BICDL2: variants seen among roughly 807,000 people sequenced by gnomAD.
The protein encoded by BICDL2 is BICD family like cargo adaptor 2, also known as BICD family-like cargo adapter 2.
BICDL2 carries 62 observed loss-of-function variants against 56.6 expected under a neutral mutation model. The observed-to-expected ratio is 1.10, with a 90% CI of 0.89 to 1.35. The LOEUF (loss-of-function observed/expected upper bound fraction) is 1.35, where lower values mean the gene tolerates loss of function less well. Among genes scored for constraint, BICDL2 ranks in the 40% most tolerant of loss-of-function variants. The pLI is 0.00. For missense variants in BICDL2, 808 were observed against 684.5 expected, an observed-to-expected ratio of 1.18 and a Z score of -2.01; for synonymous variants, 358 against 319.8, an observed-to-expected ratio of 1.12 and a Z score of -1.27.
At chr16:3,036,619 C>G (rs547509266) in intron 1 of BICDL2, 35 of 451,174 alleles carry the variant, frequency 7.8e-5, no homozygotes, top group Admixed American at 5.3e-4. Flanking sequence ...CCCCCGCCCC[C>G]CTCCACGCGA....
Position 3,027,780 on chromosome 16 carries a change from C to A in BICDL2, c.*326G>T. The A allele has an allele frequency of 3.6e-6, 4 of 1,096,316 alleles. No homozygotes were observed. Among genetic ancestry groups the A allele is most frequent in the Non-Finnish European group, 5.1e-6 (4 of 783,752 alleles). 67.9% of individuals were successfully genotyped at this position (1,096,316 alleles called of 1,614,324 possible). ...GCTCTTTCTTTCTATGAATGGGGGCCAAATCGGTGGAGTGATTTATATATT... is the reference window on the plus strand; with the variant it reads ...GCTCTTTCTTTCTATGAATGGGGGCAAAATCGGTGGAGTGATTTATATATT... On this transcript the variant is annotated 3_prime_UTR_variant, in exon 10 of 10. Transcript: ENST00000572449.
chr16:3,034,606 G>C (rs1567423881), intron 2 of BICDL2, among the ~76,000 whole-genome samples: 1 of 151,300 alleles, frequency 6.6e-6, no homozygotes, highest in African/African-American at 2.4e-5. Flanking sequence ...AATCCTCAGA[G>C]TTCATGCCTT....
intron 2 of BICDL2, among the ~76,000 whole-genome samples, chr16:3,033,832 A>T (rs1428663492): frequency 6.6e-6 from 1 of 152,096 alleles, no homozygotes; most frequent in Non-Finnish European, 1.5e-5. Context: ...GGAGGTGCAC[A>T]GGCTCTGGTC....
In BICDL2 at chr16:3,027,920, C is replaced by A; in HGVS notation, c.*186G>T. ...ACCTGCCCCTGCCACCCACCTGGAG[C>A]TCCTGCCCCACAAAGCTGGCCCCTG... On this transcript the variant is annotated 3_prime_UTR_variant, in exon 10 of 10. Coordinates refer to ENST00000572449, the MANE Select transcript of BICDL2 (RefSeq NM_001369667.1). The A allele has an allele frequency of 1.1e-6, 1 of 948,970 alleles. No individual in the cohort carries two copies. Among genetic ancestry groups the A allele is most frequent in the Non-Finnish European group, 1.5e-6 (1 of 676,604 alleles). 58.8% of individuals were successfully genotyped at this position (948,970 alleles called of 1,614,324 possible).
At chr16:3,035,662 C>A (rs1336178694) in intron 1 of BICDL2, 136 bp from the exon 2 acceptor site, 9 of 755,204 alleles carry the variant, frequency 1.2e-5, no homozygotes, top group Non-Finnish European at 1.7e-5. Context: ...GGGTTAATGA[C>A]CTGTGTTTTG....
At position 3,029,386 on chromosome 16, in the gene BICDL2, G is replaced by C; in HGVS notation, c.1001C>G (p.Pro334Arg). Residue 334 changes from proline (P) to arginine (R), a missense_variant, in exon 7 of 10, where the codon CCT (proline) becomes CGT (arginine). Physicochemically the swap from Pro to Arg is moderately radical, Grantham distance 103 (BLOSUM62 -2). Transcript: ENST00000572449. Reference sequence around the variant, plus strand: ...CTCTAAGATCTCTTCCGGGGGTGAAGGCTGGGGGCTGGACGCCTTTCGGGT... The same window carrying C: ...CTCTAAGATCTCTTCCGGGGGTGAACGCTGGGGGCTGGACGCCTTTCGGGT... ...PKTRKASSPQ[P>R]SPPEEILEPP... 6.2e-7 allele frequency: 1 copy of C among 1,609,310 alleles called. No individual in the cohort carries two copies. Among genetic ancestry groups the C allele is most frequent in the Non-Finnish European group, 8.5e-7 (1 of 1,179,502 alleles).
chr16:3,032,589 C>G (rs183564357), intron 2 of BICDL2: 4 of 151,470 alleles, frequency 2.6e-5, no homozygotes, highest in African/African-American at 9.7e-5. Context: ...TAAAGAGACC[C>G]GGGAAATGAT....
Position 3,028,091 on chromosome 16 carries a change from C to G in BICDL2, c.*15G>C. On this transcript the variant is annotated 3_prime_UTR_variant, in exon 10 of 10. Transcript: ENST00000572449. ...AGCCCCTAAGTGGGCAAGGGCAGCC[C>G]TCTGGGCCCAGCCGTCAGGTCCTTC... The G allele has an allele frequency of 2.8e-6, 4 of 1,413,340 alleles. No individual in the cohort carries two copies. The highest frequency in any genetic ancestry group is 3.7e-6 in the Non-Finnish European group (4 of 1,087,262). 87.5% of individuals were successfully genotyped at this position (1,413,340 alleles called of 1,614,324 possible).
At chr16:3,029,226 C>G in intron 7 of BICDL2, 54 bp downstream of exon 7, 1 of 1,577,570 alleles carries the variant, frequency 6.3e-7, no homozygotes, top group Admixed American at 1.8e-5. Context: ...ACATGGGAGA[C>G]AGAAACTGAC....
In BICDL2 at chr16:3,034,711, C is replaced by CT. The variant is rs759451684; in HGVS notation, c.282+503dup. Among the ~76,000 whole-genome samples the CT allele has an allele frequency of 7.6e-3, 964 of 126,990 alleles. 15 individuals are homozygous for CT. Among genetic ancestry groups the CT allele is most frequent in the African/African-American group, 0.022 (754 of 33,710 alleles). The allele number at this position is 126,990 out of a possible 152,430, so 83.3% of individuals were successfully genotyped here. ...TTCCTTCCCCTTCCTTCCTTCCTTCCTTTTTTTTTTTTCAGGATCTCACTC... is the reference window on the plus strand; with the variant it reads ...TTCCTTCCCCTTCCTTCCTTCCTTCCTTTTTTTTTTTTTCAGGATCTCACTC... On this transcript the variant is annotated intron_variant, in intron 2 of 9. Coordinates refer to ENST00000572449, the MANE Select transcript of BICDL2 (RefSeq NM_001369667.1).
rs1359986662 is a variant in BICDL2 at position 3,029,534 on chromosome 16, C to T, written c.957+11G>A. 1 of 1,554,020 alleles carries T rather than the reference C, an allele frequency of 6.4e-7. No individual in the cohort carries two copies. ...GGCACAGGTAAGGGGGCTGGGGCCC[C>T]ACGAGCTCACCGGGGTGTCTCCGGG... is the stretch of plus-strand genomic sequence containing the variant. On this transcript the variant is annotated intron_variant, in intron 6 of 9. Coordinates refer to ENST00000572449, the MANE Select transcript of BICDL2 (RefSeq NM_001369667.1).
chr16:3,031,171 G>T, intron 2 of BICDL2, 21 bp from the exon 3 acceptor site: 1 of 1,530,938 alleles, frequency 6.5e-7, no homozygotes, highest in Non-Finnish European at 8.7e-7. Flanking sequence ...CAGGGCAGAG[G>T]GACAGAGGCA....
In BICDL2 at chr16:3,035,177, G is replaced by GTCCCCC; in HGVS notation, c.282+37_282+38insGGGGGA. On this transcript the variant is annotated intron_variant, in intron 2 of 9. Transcript: ENST00000572449. Reference sequence around the variant, plus strand: ...TCTCCAGGCCCACCCGTCCTCCCCTGCCCACCCACCCACCCACCCCGTCCA... The same window carrying GTCCCCC: ...TCTCCAGGCCCACCCGTCCTCCCCTGTCCCCCCCCACCCACCCACCCACCCCGTCCA... 4 of 118,826 alleles carry GTCCCCC rather than the reference G, an allele frequency of 3.4e-5. No homozygotes were observed. The South Asian group carries it at 4.2e-4, about 12-fold the overall frequency. The allele number at this position is 118,826 out of a possible 1,614,324, so 7.4% of individuals were successfully genotyped here.
intron 2 of BICDL2, among the ~76,000 whole-genome samples, chr16:3,034,685 CTT>C (rs1349686587): frequency 2.3e-4 from 32 of 139,278 alleles, no homozygotes; most frequent in African/African-American, 7.8e-4. Flanking sequence ...TCCTTCCTTC[CTT>C]CCTTCCCCTT....
chr16:3,031,634 G>A (rs760099266), intron 2 of BICDL2: 8 of 403,438 alleles, frequency 2.0e-5, no homozygotes, highest in East Asian at 1.4e-4. Context: ...TCTGACCAGC[G>A]GGGGAATGCC....
In BICDL2 at chr16:3,029,448, G is replaced by T; in HGVS notation, c.958-19C>A. ...GGGTGGTCTGTGGGCCAAAGAAATG[G>T]GTTAGTGGTGTGGAGTTTATTGGGG... On this transcript the variant is annotated intron_variant, in intron 6 of 9. Transcript: ENST00000572449. 1 of 1,597,674 alleles carries T rather than the reference G, an allele frequency of 6.3e-7. No individual in the cohort carries two copies. Among genetic ancestry groups the T allele is most frequent in the Non-Finnish European group, 8.5e-7 (1 of 1,176,092 alleles).
Position 3,035,176 on chromosome 16 carries a change from T to TTCCCC in BICDL2, c.282+38_282+39insGGGGA. The TTCCCC allele has an allele frequency of 3.7e-5, 5 of 136,272 alleles. No individual in the cohort carries two copies. The South Asian group carries it at 8.1e-4, about 22-fold the overall frequency. 8.4% of individuals were successfully genotyped at this position (136,272 alleles called of 1,614,324 possible). A position where few individuals can be genotyped will look rare whatever the true frequency, so the allele number is the denominator to read the frequency against. ...CTCTCCAGGCCCACCCGTCCTCCCC[T>TTCCCC]GCCCACCCACCCACCCACCCCGTCC... On this transcript the variant is annotated intron_variant, in intron 2 of 9. Transcript: ENST00000572449.
chr16:3,035,674 C>G (rs956443796), intron 1 of BICDL2, 148 bp from the exon 2 acceptor site: 14 of 675,512 alleles, frequency 2.1e-5, no homozygotes, highest in Non-Finnish European at 3.2e-5. Flanking sequence ...TGTGTTTTGG[C>G]TACCCAGTTC....
At chr16:3,033,292 G>A (rs1442415652) in intron 2 of BICDL2, among the ~76,000 whole-genome samples, 1 of 152,022 alleles carries the variant, frequency 6.6e-6, no homozygotes, top group African/African-American at 2.4e-5. Flanking sequence ...GCGACAGAGC[G>A]AGACTCCATG....
Sources: allele counts gnomAD v4.1 joint callset (sites outside exome capture counted in the v4.1 genomes callset), GRCh38; gene constraint gnomAD v4.1.1; transcripts MANE v1.5; gene names NCBI Gene and HGNC (gene_info 2026-07-23, HGNC 2026-07-21).